Variants in INPP5A observed in about 807,000 individuals in gnomAD.
INPP5A encodes the protein 43 kDa inositol polyphosphate 5-phophatase.
A neutral mutation model predicts 65.2 loss-of-function variants in INPP5A; 14 were observed. The ratio of observed to expected loss-of-function variants is 0.21; its 90% CI spans 0.14 to 0.34. The LOEUF (loss-of-function observed/expected upper bound fraction) is 0.34, where lower values mean the gene tolerates loss of function less well. INPP5A is among the 10% of genes least tolerant of loss of function. INPP5A has a pLI of 1.00. For missense variants in INPP5A, 431 were observed against 545.6 expected, an observed-to-expected ratio of 0.79 and a Z score of 2.09; for synonymous variants, 207 against 208.3, an observed-to-expected ratio of 0.99 and a Z score of 0.05.
At position 132,555,519 on chromosome 10, in the gene INPP5A, T is replaced by C. The variant is rs1422156519; in HGVS notation, c.75+17348T>C. On this transcript the variant is annotated intron_variant, in intron 1 of 15. Transcript: ENST00000368594. The surrounding 1 kb of genome is among the most constrained non-coding windows in gnomAD (Gnocchi z 4.4). ...GGGACCTGGCGCCGTTGGTGTGTGC[T>C]CACAAAGTGCACGGGGTGACCAGGA... Among the ~76,000 whole-genome samples, 1 of 151,996 alleles carries C rather than the reference T, an allele frequency of 6.6e-6. No individual in the cohort carries two copies. The highest frequency in any genetic ancestry group is 2.4e-5 in the African/African-American group (1 of 41,362).
At chr10:132,717,287 G>T (rs1361475839) in intron 8 of INPP5A, among the ~76,000 whole-genome samples, 4 of 151,786 alleles carry the variant, frequency 2.6e-5, no homozygotes, top group African/African-American at 4.9e-5. Flanking sequence ...GCCCCTAAAG[G>T]GTTGGGGCTC....
Position 132,547,739 on chromosome 10 carries a change from C to T in INPP5A, c.75+9568C>T, listed in dbSNP as rs546591705. On this transcript the variant is annotated intron_variant, in intron 1 of 15. Coordinates refer to ENST00000368594, the MANE Select transcript of INPP5A (RefSeq NM_005539.5). The surrounding 1 kb of genome is among the most constrained non-coding windows in gnomAD (Gnocchi z 5.5). Reference sequence around the variant, plus strand: ...AGGCAAGCAGGGTTTTCCTCCTTCACGGGACAGCCCGCGTGCCCCCAGCCC... The same window carrying T: ...AGGCAAGCAGGGTTTTCCTCCTTCATGGGACAGCCCGCGTGCCCCCAGCCC... Among the ~76,000 whole-genome samples, 3 of 152,200 alleles carry T rather than the reference C, an allele frequency of 2.0e-5. No individual in the cohort carries two copies. The highest frequency in any genetic ancestry group is 4.1e-4 in the South Asian group (2 of 4,824).
In INPP5A at chr10:132,674,688, G is replaced by A. The variant is rs919063597; in HGVS notation, c.307-15704G>A. On this transcript the variant is annotated intron_variant, in intron 4 of 15. Coordinates refer to ENST00000368594, the MANE Select transcript of INPP5A (RefSeq NM_005539.5). This position sits in a 1 kb window ranked among gnomAD's most constrained non-coding sequence, Gnocchi z 4.4. ...TTCCATTTGATGATGGAATGCTGCT[G>A]TGCATGACCCACTTCATGGCTAGAT... Among the ~76,000 whole-genome samples the A allele has an allele frequency of 6.6e-6, 1 of 152,192 alleles. No individual in the cohort carries two copies. Among genetic ancestry groups the A allele is most frequent in the Non-Finnish European group, 1.5e-5 (1 of 68,038 alleles).
chr10:132,773,107 G>A (rs921711106), intron 12 of INPP5A, among the ~76,000 whole-genome samples: 10 of 152,256 alleles, frequency 6.6e-5, no homozygotes, highest in Non-Finnish European at 1.0e-4. Flanking sequence ...GTGGGCCGGC[G>A]CAGGGTGCGG....
At chr10:132,760,071 G>A (rs929953484) in intron 11 of INPP5A, among the ~76,000 whole-genome samples, 1 of 152,214 alleles carries the variant, frequency 6.6e-6, no homozygotes, top group Non-Finnish European at 1.5e-5. Flanking sequence ...CAGGAAGCCC[G>A]GTGCTCTGCT....
chr10:132,695,349 T>G (rs1039126431), intron 5 of INPP5A, among the ~76,000 whole-genome samples: 1 of 152,146 alleles, frequency 6.6e-6, no homozygotes, highest in African/African-American at 2.4e-5. Flanking sequence ...GGGAAGTTCC[T>G]CAACCTGATA....
chr10:132,766,635 C>T lies in INPP5A; in HGVS notation c.977+789C>T, dbSNP rs925962972. 9.9e-5 allele frequency among the ~76,000 whole-genome samples: 15 copies of T among 152,044 alleles called. No homozygotes were observed. The South Asian group carries it at 2.3e-3, about 23-fold the overall frequency. ...AGAGCATGAGTGAGAACATGTGTGA[C>T]GTGTGTAGGGCTCATGCATGTGGCT... is the stretch of plus-strand genomic sequence containing the variant. On this transcript the variant is annotated intron_variant, in intron 12 of 15. Coordinates refer to ENST00000368594, the MANE Select transcript of INPP5A (RefSeq NM_005539.5).
At position 132,575,924 on chromosome 10, in the gene INPP5A, G is replaced by A. The variant is rs747914771; in HGVS notation, c.76-31991G>A. Among the ~76,000 whole-genome samples, 79 of 152,186 alleles carry A rather than the reference G, an allele frequency of 5.2e-4. 1 individual carries two copies. Among genetic ancestry groups the A allele is most frequent in the Non-Finnish European group, 1.0e-3 (71 of 68,024 alleles). ...ACTGACATCGCGGCTCTTGTGGACTGTGGAGCTGGTGGCTCCCCTCTCCTC... is the reference window on the plus strand; with the variant it reads ...ACTGACATCGCGGCTCTTGTGGACTATGGAGCTGGTGGCTCCCCTCTCCTC... On this transcript the variant is annotated intron_variant, in intron 1 of 15. Coordinates refer to ENST00000368594, the MANE Select transcript of INPP5A (RefSeq NM_005539.5). The surrounding 1 kb of genome is among the most constrained non-coding windows in gnomAD (Gnocchi z 5.4).
intron 9 of INPP5A, among the ~76,000 whole-genome samples, chr10:132,739,775 T>G (rs1387546698): frequency 3.3e-5 from 5 of 152,196 alleles, no homozygotes; most frequent in African/African-American, 1.2e-4. Context: ...GGCTTGGGTG[T>G]AGTGCTTGTG....
rs537454035 is a variant in INPP5A, at chr10:132,661,795, A to G, written c.306+11290A>G. On this transcript the variant is annotated intron_variant, in intron 4 of 15. Transcript: ENST00000368594. ...CTGATTAAGACTTCTTTGAATCTCA[A>G]TAATTAAATCAGTATAGTATTGGCA... is the stretch of plus-strand genomic sequence containing the variant. Among the ~76,000 whole-genome samples, 17 of 152,370 alleles carry G rather than the reference A, an allele frequency of 1.1e-4. 1 individual carries two copies. Among genetic ancestry groups the G allele is most frequent in the South Asian group, 2.1e-4 (1 of 4,832 alleles).
At chr10:132,558,816 G>A (rs1471863472) in intron 1 of INPP5A, among the ~76,000 whole-genome samples, 1 of 152,232 alleles carries the variant, frequency 6.6e-6, no homozygotes, top group East Asian at 1.9e-4. Flanking sequence ...TTTTGAAGCC[G>A]GCAGTCGCCT....
intron 1 of INPP5A, among the ~76,000 whole-genome samples, chr10:132,556,548 T>C (rs899630280): frequency 3.3e-5 from 5 of 152,138 alleles, no homozygotes; most frequent in African/African-American, 9.7e-5. Context: ...ACCATACACA[T>C]GCACAACATA....
At chr10:132,713,013 G>T (rs1845674208) in intron 8 of INPP5A, among the ~76,000 whole-genome samples, 1 of 150,632 alleles carries the variant, frequency 6.6e-6, no homozygotes, top group Non-Finnish European at 1.5e-5. Flanking sequence ...CATGTGTGCT[G>T]GGGTGTATGT....
chr10:132,754,681 C>A (rs1189523809), intron 11 of INPP5A, among the ~76,000 whole-genome samples: 2 of 152,264 alleles, frequency 1.3e-5, no homozygotes, highest in Non-Finnish European at 2.9e-5. Flanking sequence ...GTCCACTGAG[C>A]AGTCCTGAAA....
Position 132,573,555 on chromosome 10 carries a change from T to C in INPP5A, c.76-34360T>C, listed in dbSNP as rs13376848. On this transcript the variant is annotated intron_variant, in intron 1 of 15. Coordinates refer to ENST00000368594, the MANE Select transcript of INPP5A (RefSeq NM_005539.5). Reference sequence around the variant, plus strand: ...TTTGTTGATGTTGGGTTGTGTGTGCTGTGGGAGGTTTTGTTGAGATGTTGG... The same window carrying C: ...TTTGTTGATGTTGGGTTGTGTGTGCCGTGGGAGGTTTTGTTGAGATGTTGG... Among the ~76,000 whole-genome samples the C allele has an allele frequency of 8.3e-3, 909 of 109,076 alleles. 60 individuals are homozygous for C. Among genetic ancestry groups the C allele is most frequent in the African/African-American group, 0.034 (818 of 23,802 alleles). 71.6% of individuals were successfully genotyped at this position (109,076 alleles called of 152,430 possible). A position where few individuals can be genotyped will look rare whatever the true frequency, so the allele number is the denominator to read the frequency against.
rs190033205 is a variant in INPP5A at position 132,544,194 on chromosome 10, G to T, written c.75+6023G>T. Reference sequence around the variant, plus strand: ...ACGCACAGCCATAAGTGCCATCTCTGTGTGGGTGCCCACTCCCAGCGAGAA... The same window carrying T: ...ACGCACAGCCATAAGTGCCATCTCTTTGTGGGTGCCCACTCCCAGCGAGAA... On this transcript the variant is annotated intron_variant, in intron 1 of 15. Coordinates refer to ENST00000368594, the MANE Select transcript of INPP5A (RefSeq NM_005539.5). 2.4e-3 allele frequency among the ~76,000 whole-genome samples: 360 copies of T among 152,354 alleles called. 3 individuals carry two copies. Among genetic ancestry groups the T allele is most frequent in the African/African-American group, 7.9e-3 (330 of 41,588 alleles).
chr10:132,692,064 G>T (rs1020045659), intron 5 of INPP5A, among the ~76,000 whole-genome samples: 3 of 152,154 alleles, frequency 2.0e-5, no homozygotes, highest in African/African-American at 7.2e-5. Flanking sequence ...CGGGCTGGGC[G>T]GTTGGGCTCG....
chr10:132,730,070 A>G (rs1846055962), intron 9 of INPP5A, among the ~76,000 whole-genome samples: 1 of 152,198 alleles, frequency 6.6e-6, no homozygotes, highest in Non-Finnish European at 1.5e-5. Flanking sequence ...TCCCATCCAC[A>G]GTAATTGGAA....
At chr10:132,750,690 C>T (rs1482133952) in intron 11 of INPP5A, among the ~76,000 whole-genome samples, 2 of 152,258 alleles carry the variant, frequency 1.3e-5, no homozygotes, top group Non-Finnish European at 1.5e-5. Context: ...AACACGCCCA[C>T]TGTGGCGATT....
Sources: allele counts gnomAD v4.1 joint callset (sites outside exome capture counted in the v4.1 genomes callset), GRCh38; gene constraint gnomAD v4.1.1; non-coding constraint Gnocchi (gnomAD v3.1); transcripts MANE v1.5; gene names NCBI Gene and HGNC (gene_info 2026-07-23, HGNC 2026-07-21).